ANKMY1: variants seen among roughly 807,000 people sequenced by gnomAD.
ANKMY1 encodes the protein ankyrin repeat and MYND domain containing 1.
In ANKMY1, 98 loss-of-function variants were observed where a neutral mutation model predicts 102.0. The ratio of observed to expected loss-of-function variants is 0.96; its 90% CI spans 0.82 to 1.14. ANKMY1 has a LOEUF of 1.14. Ranked by LOEUF, ANKMY1 falls within the 50% of genes most tolerant of loss-of-function variation. The pLI, the probability that ANKMY1 is intolerant of heterozygous loss-of-function variation, is 0.00. For synonymous variants in ANKMY1, 582 were observed against 559.9 expected, an observed-to-expected ratio of 1.04 and a Z score of -0.56; for missense variants, 1,330 against 1,347.6, an observed-to-expected ratio of 0.99 and a Z score of 0.20.
At chr2:240,478,320 G>C (rs1010499424), downstream of ANKMY1, among the ~76,000 whole-genome samples, 3 of 152,198 alleles carry the variant, frequency 2.0e-5, no homozygotes, top group African/African-American at 7.2e-5. Context: ...TCACTTACAG[G>C]TTCTTTCTTT....
intron 5 of ANKMY1, among the ~76,000 whole-genome samples, chr2:240,528,705 C>T (rs2084489373): frequency 6.6e-6 from 1 of 152,144 alleles, no homozygotes; most frequent in African/African-American, 2.4e-5. Flanking sequence ...CCACCAGGTT[C>T]TACACCAGCC....
intron 7 of ANKMY1, among the ~76,000 whole-genome samples, chr2:240,524,790 C>T (rs1332012718): frequency 6.6e-6 from 1 of 152,172 alleles, no homozygotes; most frequent in Non-Finnish European, 1.5e-5. Context: ...AAAATTAATT[C>T]CACCTGTTTT....
chr2:240,495,305 CTT>C (rs1166752922), intron 15 of ANKMY1, among the ~76,000 whole-genome samples: 9 of 152,196 alleles, frequency 5.9e-5, no homozygotes, highest in African/African-American at 1.9e-4. Flanking sequence ...TCCACCACCT[CTT>C]GTGGAGGGCC....
intron 14 of ANKMY1, 84 bp downstream of exon 14, chr2:240,500,368 C>A: frequency 7.1e-7 from 1 of 1,410,648 alleles, no homozygotes; most frequent in African/African-American, 1.4e-5. Context: ...CCCAGCTTTG[C>A]CCCAGAGAAG....
intron 4 of ANKMY1, among the ~76,000 whole-genome samples, chr2:240,542,406 G>A (rs938567203): frequency 1.6e-4 from 24 of 151,958 alleles, no homozygotes; most frequent in Non-Finnish European, 2.9e-4. Context: ...TCTGGAGGCC[G>A]AGGCAGAGAA....
chr2:240,560,831 C>G (rs866376996), upstream of ANKMY1: 12 of 1,414,776 alleles, frequency 8.5e-6, no homozygotes, highest in African/African-American at 1.2e-4. Flanking sequence ...CGCTGTGCGT[C>G]AACGTCTCCC....
At chr2:240,522,691 T>C (rs953776365) in intron 8 of ANKMY1, 3 of 152,138 alleles carry the variant, frequency 2.0e-5, no homozygotes, top group Non-Finnish European at 4.4e-5. Flanking sequence ...TGGTTCAACA[T>C]CAGAACTTGG....
rs1394988330 is a variant in ANKMY1 at position 240,552,626 on chromosome 2, A to T, written c.480+288T>A. 18 of 406,666 alleles carry T rather than the reference A, an allele frequency of 4.4e-5. No individual in the cohort carries two copies. The East Asian group carries it at 9.8e-4, about 22-fold the overall frequency. The allele number at this position is 406,666 out of a possible 1,614,324, so 25.2% of individuals were successfully genotyped here. On this transcript the variant is annotated intron_variant, in intron 4 of 17. Coordinates refer to ENST00000401804, the MANE Select transcript of ANKMY1 (RefSeq NM_001282771.3). ...CCATTTAAAAAGGCACATTTCAAAC[A>T]TTATGTGTACAGTGATCCAGTTTAC...
At chr2:240,473,307 AAAGT>A in the ANKMY1 span, among the ~76,000 whole-genome samples, 1 of 151,806 alleles carries the variant, frequency 6.6e-6, no homozygotes, top group Non-Finnish European at 1.5e-5. Context: ...CATAAAATGT[AAAGT>A]TTAATAGAAA....
intron 7 of ANKMY1, among the ~76,000 whole-genome samples, chr2:240,524,752 T>C (rs189709234): frequency 3.9e-5 from 6 of 152,384 alleles, no homozygotes; most frequent in African/African-American, 9.6e-5. Flanking sequence ...GGATTTTTAA[T>C]ACATTAGGCT....
chr2:240,473,478 CA>C, the ANKMY1 span, among the ~76,000 whole-genome samples: 52 of 135,054 alleles, frequency 3.9e-4, no homozygotes, highest in East Asian at 8.9e-4. Context: ...ACCAATTAAC[CA>C]AAAAAAAAAA....
chr2:240,542,503 C>CAAAAAAA (rs762420491), intron 4 of ANKMY1, among the ~76,000 whole-genome samples: 4 of 117,220 alleles, frequency 3.4e-5, no homozygotes, highest in Non-Finnish European at 7.3e-5. Context: ...GACTCCGTCT[C>CAAAAAAA]AAAAAAAAAA....
chr2:240,526,487 G>A (rs373604458), intron 5 of ANKMY1, 42 bp from the exon 6 acceptor site: 42 of 1,611,818 alleles, frequency 2.6e-5, no homozygotes, highest in Admixed American at 6.7e-5. Context: ...ACCAGGTTCT[G>A]CACCTCCCAC....
chr2:240,525,499 C>T (rs575180293), intron 7 of ANKMY1, among the ~76,000 whole-genome samples, 186 bp downstream of exon 7: 8 of 152,292 alleles, frequency 5.3e-5, no homozygotes, highest in African/African-American at 1.9e-4. Context: ...AACACACATA[C>T]CTTGGCATCT....
At position 240,499,301 on chromosome 2, in the gene ANKMY1, G is replaced by C. The variant is rs1390504798; in HGVS notation, c.2806+657C>G. Among the ~76,000 whole-genome samples the C allele has an allele frequency of 6.8e-6, 1 of 147,072 alleles. No individual in the cohort carries two copies. The highest frequency in any genetic ancestry group is 1.5e-5 in the Non-Finnish European group (1 of 66,536). On this transcript the variant is annotated intron_variant, in intron 15 of 17. Coordinates refer to ENST00000401804, the MANE Select transcript of ANKMY1 (RefSeq NM_001282771.3). The surrounding 1 kb of genome is among the most constrained non-coding windows in gnomAD (Gnocchi z 4.2). ...TAAGTGGGTCTGTGTGTGCGAGGTA[G>C]ACAAGAGTAGGTAAATGTGAGGGTG... is the stretch of plus-strand genomic sequence containing the variant.
chr2:240,560,913 G>A (rs756613284), upstream of ANKMY1: 131 of 1,535,356 alleles, frequency 8.5e-5, no homozygotes, highest in Non-Finnish European at 1.1e-4. Flanking sequence ...CCCGGCTGAG[G>A]ACCTGCTGGC....
intron 9 of ANKMY1, among the ~76,000 whole-genome samples, chr2:240,514,459 C>A (rs1417966796): frequency 6.6e-6 from 1 of 152,146 alleles, no homozygotes; most frequent in East Asian, 1.9e-4. Flanking sequence ...CATTAAGTCC[C>A]ACGAGTCCCA....
chr2:240,550,518 A>C (rs767226152), intron 4 of ANKMY1, among the ~76,000 whole-genome samples: 1 of 152,126 alleles, frequency 6.6e-6, no homozygotes, highest in Non-Finnish European at 1.5e-5. Context: ...TATAATAATA[A>C]TAAATTTAAA....
chr2:240,560,254 GC>G (rs891391532), upstream of ANKMY1: 3 of 159,334 alleles, frequency 1.9e-5, no homozygotes, highest in African/African-American at 7.2e-5. Flanking sequence ...TAGCCACGGG[GC>G]CCTAGCCGAA....
Sources: gnomAD v4.1 joint callset for allele counts (sites outside exome capture counted in the v4.1 genomes callset) on GRCh38, gnomAD v4.1.1 for gene constraint, Gnocchi (gnomAD v3.1) non-coding constraint, MANE v1.5 for transcripts, NCBI Gene and HGNC (gene_info 2026-07-23, HGNC 2026-07-21) for gene names.